TM9SF2: variants seen among roughly 807,000 people sequenced by gnomAD.
The protein encoded by TM9SF2 is 76 kDa membrane protein.
In TM9SF2, 13 loss-of-function variants were observed where a neutral mutation model predicts 84.9. The observed-to-expected ratio is 0.15, with a 90% CI of 0.10 to 0.24. The LOEUF (loss-of-function observed/expected upper bound fraction) is 0.24. TM9SF2 is among the 10% of genes least tolerant of loss of function. The pLI, the probability that TM9SF2 is intolerant of heterozygous loss-of-function variation, is 1.00. For synonymous variants in TM9SF2, 273 were observed against 285.8 expected (o/e 0.96, Z 0.45); for missense variants, 562 against 818.5 (o/e 0.69, Z 3.82).
At chr13:99,558,186 G>A in intron 15 of TM9SF2, among the ~76,000 whole-genome samples, 1 of 152,200 alleles carries the variant, frequency 6.6e-6, no homozygotes, top group East Asian at 1.9e-4. Context: ...TCTATATGCT[G>A]CCCTTAGGCC....
Position 99,501,779 on chromosome 13 carries a change from TG to T in TM9SF2, c.171+5del, listed in dbSNP as rs772168962. 6 of 1,609,252 alleles carry T rather than the reference TG, an allele frequency of 3.7e-6. No homozygotes were observed. The African/African-American group carries it at 8.1e-5, about 22-fold the overall frequency. ...GAAAAAAAGAGCGACGAGTGCAAGGTGGGTGAGGCCTGACGAGCCCTCTGAT... is the reference window on the plus strand; with the variant it reads ...GAAAAAAAGAGCGACGAGTGCAAGGTGGTGAGGCCTGACGAGCCCTCTGAT... On this transcript the variant is annotated splice_donor_region_variant and intron_variant, in intron 1 of 16. Transcript: ENST00000376387.
chr13:99,527,719 C>T (rs1323524010), intron 3 of TM9SF2, among the ~76,000 whole-genome samples: 1 of 152,196 alleles, frequency 6.6e-6, no homozygotes, highest in Non-Finnish European at 1.5e-5. Context: ...TATAATTTTT[C>T]TGCTATTTGC....
chr13:99,541,803 T>G, intron 9 of TM9SF2, 136 bp downstream of exon 9: 1 of 542,250 alleles, frequency 1.8e-6, no homozygotes, highest in Non-Finnish European at 3.1e-6. Context: ...AAAAAATTCT[T>G]CTCAAAAGTT....
chr13:99,530,129 G>GA (rs2046201795), intron 4 of TM9SF2, among the ~76,000 whole-genome samples: 1 of 151,862 alleles, frequency 6.6e-6, no homozygotes, highest in African/African-American at 2.4e-5. Flanking sequence ...ACATGCTGTT[G>GA]AAAAAATGGC....
intron 12 of TM9SF2, among the ~76,000 whole-genome samples, chr13:99,549,879 C>G (rs1036729985): frequency 6.6e-6 from 1 of 152,194 alleles, no homozygotes; most frequent in Non-Finnish European, 1.5e-5. Flanking sequence ...CATTTGCAGG[C>G]TAGAAATGCA....
At chr13:99,523,034 C>T (rs1041209148) in intron 3 of TM9SF2, among the ~76,000 whole-genome samples, 1 of 152,222 alleles carries the variant, frequency 6.6e-6, no homozygotes, top group Non-Finnish European at 1.5e-5. Context: ...AAAACAAATT[C>T]TCTAAGCCCC....
At chr13:99,550,863 G>A (rs901547926) in intron 12 of TM9SF2, among the ~76,000 whole-genome samples, 15 of 152,080 alleles carry the variant, frequency 9.9e-5, no homozygotes, top group African/African-American at 3.6e-4. Flanking sequence ...TAAAACACTA[G>A]GGACATTCTC....
intron 4 of TM9SF2, among the ~76,000 whole-genome samples, chr13:99,530,193 G>A (rs991240535): frequency 6.6e-5 from 10 of 152,188 alleles, no homozygotes; most frequent in Admixed American, 6.5e-4. Context: ...GGGAGGCTGA[G>A]GCGGTTGGAT....
In TM9SF2 at chr13:99,532,010, GACTA is replaced by G. The variant is rs2046212223; in HGVS notation, c.461+2420_461+2423del. On this transcript the variant is annotated intron_variant, in intron 4 of 16. Coordinates refer to ENST00000376387, the MANE Select transcript of TM9SF2 (RefSeq NM_004800.3). ...TTACTGCAATAGCTATCAGTTTGTTGACTAACTGAAAGAATGACTGTTAAGGTCT... is the reference window on the plus strand; with the variant it reads ...TTACTGCAATAGCTATCAGTTTGTTGACTGAAAGAATGACTGTTAAGGTCT... Among the ~76,000 whole-genome samples the G allele has an allele frequency of 2.0e-5, 3 of 151,214 alleles. No individual in the cohort carries two copies. In the South Asian group the frequency reaches 6.2e-4, roughly 31 times the overall value.
rs1218267017 is a variant in TM9SF2 at position 99,555,579 on chromosome 13, T to G, written c.1684T>G (p.Phe562Val). 1 of 1,613,946 alleles carries G rather than the reference T, an allele frequency of 6.2e-7. No individual in the cohort carries two copies. The highest frequency in any genetic ancestry group is 8.5e-7 in the Non-Finnish European group (1 of 1,179,962). ...YYMFGFLFLV[F>V]IILVITCSEA... The stretch of plus-strand genomic sequence containing the variant: ...CATGTTTGGCTTCCTATTTCTGGTG[T>G]TTATCATTTTGGTTATTACCTGTTC... Residue 562 changes from phenylalanine to valine, a missense_variant, in exon 15 of 17, where the codon TTT becomes GTT. Physicochemically the swap from Phe to Val is conservative, Grantham distance 50. Coordinates refer to ENST00000376387, the MANE Select transcript of TM9SF2 (RefSeq NM_004800.3).
chr13:99,532,644 G>T (rs2046216133), intron 4 of TM9SF2, among the ~76,000 whole-genome samples: 1 of 152,158 alleles, frequency 6.6e-6, no homozygotes, highest in South Asian at 2.1e-4. Context: ...GCTCCTGAAG[G>T]TAGTAGAAGC....
chr13:99,549,792 G>A (rs539693644), intron 12 of TM9SF2, among the ~76,000 whole-genome samples: 2 of 152,182 alleles, frequency 1.3e-5, no homozygotes, highest in South Asian at 4.2e-4. Context: ...ATTTCTGGTG[G>A]GCAAGAACTG....
intron 3 of TM9SF2, among the ~76,000 whole-genome samples, chr13:99,527,747 A>T (rs2046190295): frequency 1.3e-5 from 2 of 152,340 alleles, no homozygotes; most frequent in South Asian, 2.1e-4. Context: ...TGGTGGTGAG[A>T]TACATAACAA....
chr13:99,524,830 C>T lies in TM9SF2; in HGVS notation c.334-4637C>T, dbSNP rs1594050187. On this transcript the variant is annotated intron_variant, in intron 3 of 16. Coordinates refer to ENST00000376387, the MANE Select transcript of TM9SF2 (RefSeq NM_004800.3). The stretch of plus-strand genomic sequence containing the variant: ...CGCCCCCTCTCAGCCTCCCAAAGTG[C>T]TGGAATTACAGGCGTGAGGCTCAGA... 2.0e-5 allele frequency among the ~76,000 whole-genome samples: 3 copies of T among 151,912 alleles called. No individual in the cohort carries two copies. In the East Asian group the frequency reaches 5.9e-4, roughly 30 times the overall value.
chr13:99,561,662 T>C (rs2046345523), intron 16 of TM9SF2, among the ~76,000 whole-genome samples: 1 of 152,230 alleles, frequency 6.6e-6, no homozygotes, highest in Non-Finnish European at 1.5e-5. Flanking sequence ...TAATGTCCCA[T>C]GTATAGTCTC....
At chr13:99,541,699 C>T (rs778456182) in intron 9 of TM9SF2, 32 bp downstream of exon 9, 2 of 1,405,514 alleles carry the variant, frequency 1.4e-6, no homozygotes, top group South Asian at 2.5e-5. Flanking sequence ...TTTAGTCTGC[C>T]AAGGACACTG....
In TM9SF2 at chr13:99,529,538, C is replaced by T. The variant is rs1262690481; in HGVS notation, c.405C>T (p.Asp135=). The T allele has an allele frequency of 1.9e-6, 3 of 1,591,152 alleles. No homozygotes were observed. Among genetic ancestry groups the T allele is most frequent in the Non-Finnish European group, 2.6e-6 (3 of 1,172,028 alleles). Residue 135 remains aspartate (D), a synonymous_variant, in exon 4 of 17, where the codon GAC becomes GAT. Coordinates refer to ENST00000376387, the MANE Select transcript of TM9SF2 (RefSeq NM_004800.3). The part of the protein sequence containing the change: ...TKTYHTEKAE[D]KQKLEFLKKS... ...CATACCATACAGAGAAAGCTGAAGA[C>T]AAACAAAAGTTAGAATTCTTGAAAA...
chr13:99,542,497 G>T (rs115782377), intron 9 of TM9SF2, among the ~76,000 whole-genome samples: 1,589 of 152,070 alleles, frequency 0.01, 29 homozygotes, highest in African/African-American at 0.036. Flanking sequence ...TTCATTTCAT[G>T]GCAGCATAAT....
At chr13:99,524,852 C>G (rs577823744) in intron 3 of TM9SF2, among the ~76,000 whole-genome samples, 2 of 152,044 alleles carry the variant, frequency 1.3e-5, no homozygotes, top group East Asian at 3.9e-4. Context: ...GCGTGAGGCT[C>G]AGACCCTTGG....
Sources: allele counts gnomAD v4.1 joint callset (sites outside exome capture counted in the v4.1 genomes callset), GRCh38; gene constraint gnomAD v4.1.1; transcripts MANE v1.5; gene names NCBI Gene and HGNC (gene_info 2026-07-23, HGNC 2026-07-21).